Variants in NFYC observed in about 807,000 individuals in gnomAD.
The protein encoded by NFYC is CAAT box DNA-binding protein subunit C.
A neutral mutation model predicts 53.1 loss-of-function variants in NFYC; 25 were observed. That is an observed-to-expected ratio of 0.47 (90% CI 0.34 to 0.66). NFYC has a LOEUF of 0.66. Among genes scored for constraint, NFYC ranks in the 30% least tolerant of loss-of-function variants. NFYC has a pLI of 0.01. For synonymous variants in NFYC, 145 were observed against 152.6 expected, an observed-to-expected ratio of 0.95 and a Z score of 0.37; for missense variants, 260 against 422.7, an observed-to-expected ratio of 0.62 and a Z score of 3.38.
chr1:40,769,917 A>C (rs767442616), intron 9 of NFYC, among the ~76,000 whole-genome samples: 1 of 152,178 alleles, frequency 6.6e-6, no homozygotes, highest in African/African-American at 2.4e-5. Flanking sequence ...TTCCCCTCAC[A>C]GTACAGTCCC....
chr1:40,768,059 G>A (rs1034396631), intron 8 of NFYC, among the ~76,000 whole-genome samples: 1 of 152,282 alleles, frequency 6.6e-6, no homozygotes, highest in Non-Finnish European at 1.5e-5. Flanking sequence ...GCAAGAAAGT[G>A]GTAGCTGAAG....
intron 1 of NFYC, among the ~76,000 whole-genome samples, chr1:40,728,567 G>T (rs1165912237): frequency 2.6e-5 from 4 of 151,954 alleles, no homozygotes; most frequent in Admixed American, 2.0e-4. Flanking sequence ...CTGCACTCCA[G>T]CCTGGGCGAC....
At chr1:40,769,207 G>A in intron 8 of NFYC, 149 bp from the exon 9 acceptor site, 1 of 725,774 alleles carries the variant, frequency 1.4e-6, no homozygotes, top group Non-Finnish European at 2.5e-6. Flanking sequence ...GATTAGGAGG[G>A]GTGCTTGCTT....
At chr1:40,704,913 G>C in intron 1 of NFYC, among the ~76,000 whole-genome samples, 1 of 152,264 alleles carries the variant, frequency 6.6e-6, no homozygotes, top group East Asian at 1.9e-4. Context: ...ATAGAAGAGA[G>C]GTGTTTCTTC....
chr1:40,712,393 G>A (rs1009892775), intron 1 of NFYC: 1 of 152,050 alleles, frequency 6.6e-6, no homozygotes, highest in African/African-American at 2.4e-5. Flanking sequence ...AAAAACTCTT[G>A]TTAGATTTAG....
intron 1 of NFYC, among the ~76,000 whole-genome samples, chr1:40,734,071 G>A (rs1027098019): frequency 1.7e-4 from 26 of 152,242 alleles, no homozygotes; most frequent in African/African-American, 5.8e-4. Flanking sequence ...TTTAGAGACA[G>A]AGTCTCACTG....
At chr1:40,751,523 A>G (rs891217300) in intron 4 of NFYC, among the ~76,000 whole-genome samples, 1 of 152,096 alleles carries the variant, frequency 6.6e-6, no homozygotes, top group Non-Finnish European at 1.5e-5. Flanking sequence ...CTCCCACCTC[A>G]GCCTCCCAAG....
At chr1:40,707,645 T>A (rs1297603142) in intron 1 of NFYC, among the ~76,000 whole-genome samples, 1 of 150,030 alleles carries the variant, frequency 6.7e-6, no homozygotes, top group African/African-American at 2.4e-5. Context: ...CTCTACCAAT[T>A]TAAAAAAAGA....
intron 6 of NFYC, 143 bp from the exon 7 acceptor site, chr1:40,762,743 CTG>C (rs1444841230): frequency 2.9e-6 from 2 of 682,232 alleles, no homozygotes; most frequent in African/African-American, 3.7e-5. Context: ...CCAGAGGACT[CTG>C]TAGGTTATTA....
intron 8 of NFYC, chr1:40,767,331 G>A (rs1646868735): frequency 1.0e-5 from 3 of 297,130 alleles, no homozygotes; most frequent in East Asian, 8.1e-5. Context: ...AGCAGCGATC[G>A]TTTAAGAGCT....
Position 40,770,207 on chromosome 1 carries a change from ACCT to A in NFYC, c.889-498_889-496del, listed in dbSNP as rs1477168666. 6 of 627,870 alleles carry A rather than the reference ACCT, an allele frequency of 9.6e-6. No homozygotes were observed. The highest frequency in any genetic ancestry group is 1.6e-5 in the Non-Finnish European group (6 of 365,334). The allele number at this position is 627,870 out of a possible 1,614,324, so 38.9% of individuals were successfully genotyped here. On this transcript the variant is annotated intron_variant, in intron 9 of 9. Coordinates refer to ENST00000447388, the MANE Select transcript of NFYC (RefSeq NM_014223.5). The surrounding 1 kb of genome is among the most constrained non-coding windows in gnomAD (Gnocchi z 5.3). The stretch of plus-strand genomic sequence containing the variant: ...ATAGTTAAGTGTTTAATACCAGGCC[ACCT>A]CCTTAGCAGGGTCCATGGAGAAAAT...
intron 1 of NFYC, among the ~76,000 whole-genome samples, chr1:40,727,660 A>G (rs1462832621): frequency 2.0e-5 from 3 of 151,218 alleles, no homozygotes; most frequent in Non-Finnish European, 1.5e-5. Flanking sequence ...CTTTCCAAGT[A>G]GCTGGGATTT....
At chr1:40,748,693 G>A (rs1157116765) in intron 3 of NFYC, among the ~76,000 whole-genome samples, 2 of 152,146 alleles carry the variant, frequency 1.3e-5, no homozygotes, top group African/African-American at 4.8e-5. Context: ...CAGAGAAAGA[G>A]GAACTCTGTC....
At chr1:40,744,055 G>C (rs1645486150) in intron 2 of NFYC, among the ~76,000 whole-genome samples, 1 of 152,226 alleles carries the variant, frequency 6.6e-6, no homozygotes, top group Non-Finnish European at 1.5e-5. Flanking sequence ...TCCATGGCCT[G>C]TTAGGAACCT....
At position 40,747,529 on chromosome 1, in the gene NFYC, T is replaced by A. The variant is rs781587793; in HGVS notation, c.106-5T>A. 1 of 1,610,022 alleles carries A rather than the reference T, an allele frequency of 6.2e-7. No homozygotes were observed. Among genetic ancestry groups the A allele is most frequent in the South Asian group, 1.1e-5 (1 of 90,902 alleles). On this transcript the variant is annotated splice_region_variant and splice_polypyrimidine_tract_variant and intron_variant, in intron 2 of 9. Coordinates refer to ENST00000447388, the MANE Select transcript of NFYC (RefSeq NM_014223.5). ...CATTTATGCATCTCTTGTTGTTCAT[T>A]TCAGAAAGACTTCCGAGTGCAGGAA...
intron 1 of NFYC, among the ~76,000 whole-genome samples, chr1:40,733,782 C>T (rs754284376): frequency 3.3e-5 from 5 of 151,428 alleles, no homozygotes; most frequent in Admixed American, 1.3e-4. Flanking sequence ...CTCGCTCTGT[C>T]GCCCAGGCTG....
chr1:40,748,121 C>T (rs887731254), intron 3 of NFYC, among the ~76,000 whole-genome samples: 1 of 151,510 alleles, frequency 6.6e-6, no homozygotes, highest in Non-Finnish European at 1.5e-5. Flanking sequence ...CAGGTGTGAG[C>T]CACCGCATCT....
At chr1:40,738,781 C>G in intron 1 of NFYC, 55 bp from the exon 2 acceptor site, 2 of 1,298,846 alleles carry the variant, frequency 1.5e-6, no homozygotes, top group Non-Finnish European at 2.2e-6. Context: ...CTAATCTGGA[C>G]AGAAAGTCTG....
intron 6 of NFYC, chr1:40,758,496 G>A: frequency 5.2e-6 from 3 of 576,480 alleles, no homozygotes; most frequent in Non-Finnish European, 8.8e-6. Flanking sequence ...TTTCTCAAAG[G>A]TCAAATGAGG....
Sources: allele counts gnomAD v4.1 joint callset (sites outside exome capture counted in the v4.1 genomes callset), GRCh38; gene constraint gnomAD v4.1.1; non-coding constraint Gnocchi (gnomAD v3.1); transcripts MANE v1.5; gene names NCBI Gene and HGNC (gene_info 2026-07-23, HGNC 2026-07-21).